TENM1: variants seen among roughly 807,000 people sequenced by gnomAD.
TENM1 encodes the protein teneurin-1.
TENM1 carries 35 observed loss-of-function variants against 174.8 expected under a neutral mutation model. That is an observed-to-expected ratio of 0.20 (90% CI 0.15 to 0.27). The LOEUF (loss-of-function observed/expected upper bound fraction) is 0.27, where lower values mean the gene tolerates loss of function less well. TENM1 is among the 10% of genes least tolerant of loss of function. The probability of loss-of-function intolerance (pLI) is 1.00; values close to 1 mark genes in which losing one functional copy is unlikely to be tolerated. For missense variants in TENM1, 1,633 were observed against 2,130.1 expected, an observed-to-expected ratio of 0.77 and a Z score of 4.59; for synonymous variants, 781 against 798.7, an observed-to-expected ratio of 0.98 and a Z score of 0.37.
chrX:124,715,624 T>TCTTTTCTTTTC (rs1485812932), intron 4 of TENM1, among the ~76,000 whole-genome samples: 1 of 109,895 alleles, frequency 9.1e-6, no homozygotes, highest in Non-Finnish European at 1.9e-5. Flanking sequence ...TTTTTCCTTT[T>TCTTTTCTTTTC]CTTTTCTTTT....
the TENM1 span, among the ~76,000 whole-genome samples, chrX:125,172,559 T>A: frequency 7.6e-3 from 853 of 111,667 alleles, 14 homozygotes; most frequent in African/African-American, 0.027. Context: ...TCTAGACCAA[T>A]TTTTTAAAAA....
chrX:124,471,431 T>A (rs182330973), intron 22 of TENM1, among the ~76,000 whole-genome samples: 7,237 of 55,432 alleles, frequency 0.13, 1,812 homozygotes, highest in Middle Eastern at 0.21. Flanking sequence ...ATATTATATA[T>A]TATATAATAT....
At position 124,806,186 on chromosome X, in the gene TENM1, G is replaced by A. The variant is rs990695874; in HGVS notation, c.536-68989C>T. On this transcript the variant is annotated intron_variant, in intron 3 of 31. Transcript: ENST00000422452. ...GGCTGAAAAATACAATGAAAAAAAC[G>A]CAATAGAGAACATCAACAACAGAAT... 6.3e-5 allele frequency among the ~76,000 whole-genome samples: 7 copies of A among 111,408 alleles called. No homozygotes were observed. The Admixed American group carries it at 6.6e-4, about 11-fold the overall frequency.
exon 10 of TENM1, chrX:124,645,306 T>C (rs2051130245): frequency 8.3e-7 from 1 of 1,209,609 alleles, no homozygotes; most frequent in Non-Finnish European, 1.1e-6. Flanking sequence ...TCTCGTATTC[T>C]CCATTCCCAC....
rs372610895 is a variant in TENM1, at chrX:124,752,969, G to A, written c.536-15772C>T. Among the ~76,000 whole-genome samples the A allele has an allele frequency of 5.0e-3, 553 of 110,852 alleles. 6 individuals carry two copies. Among genetic ancestry groups the A allele is most frequent in the African/African-American group, 0.016 (477 of 30,479 alleles). ...TCTTTTGGCTTAGGATTGACTTGGCGATGCGGGCTCTTTTTTGGTTCCATA... is the reference window on the plus strand; with the variant it reads ...TCTTTTGGCTTAGGATTGACTTGGCAATGCGGGCTCTTTTTTGGTTCCATA... On this transcript the variant is annotated intron_variant, in intron 3 of 31. Coordinates refer to ENST00000422452, the Ensembl canonical transcript of TENM1.
intron 3 of TENM1, among the ~76,000 whole-genome samples, chrX:124,767,058 G>A (rs2054552442): frequency 9.0e-6 from 1 of 110,898 alleles, no homozygotes; most frequent in Non-Finnish European, 1.9e-5. Context: ...TCATTAGTAG[G>A]GCCTATAAAC....
chrX:124,944,382 T>C (rs1160740295), intron 1 of TENM1, among the ~76,000 whole-genome samples: 1 of 111,178 alleles, frequency 9.0e-6, no homozygotes, highest in Non-Finnish European at 1.9e-5. Flanking sequence ...ATAAAAATTA[T>C]TTGGCAGATG....
intron 11 of TENM1, among the ~76,000 whole-genome samples, chrX:124,615,968 C>T (rs1334394342): frequency 8.9e-6 from 1 of 112,582 alleles, no homozygotes; most frequent in Non-Finnish European, 1.9e-5. Flanking sequence ...GGGTCACACA[C>T]ACACACAAAA....
chrX:125,048,302 T>C, the TENM1 span, among the ~76,000 whole-genome samples: 1 of 94,360 alleles, frequency 1.1e-5, no homozygotes, highest in East Asian at 3.3e-4. Context: ...CTGACTGGAG[T>C]GCAGTGGTTA....
intron 22 of TENM1, among the ~76,000 whole-genome samples, chrX:124,467,513 A>C (rs188930894): frequency 1.8e-5 from 2 of 111,885 alleles, no homozygotes; most frequent in African/African-American, 6.5e-5. Context: ...GAAGAGCTTC[A>C]AAACCAATCT....
chrX:125,146,751 G>A, the TENM1 span, among the ~76,000 whole-genome samples: 3 of 110,885 alleles, frequency 2.7e-5, no homozygotes, highest in Admixed American at 1.9e-4. Flanking sequence ...CCTTACTCAC[G>A]GTTTGTTTTT....
At chrX:124,938,863 T>C (rs1329914328) in intron 1 of TENM1, among the ~76,000 whole-genome samples, 1 of 111,615 alleles carries the variant, frequency 9.0e-6, no homozygotes, top group Non-Finnish European at 1.9e-5. Flanking sequence ...GCACAATAAA[T>C]CACCATCTGT....
At chrX:124,811,946 A>G (rs2055787681) in intron 3 of TENM1, among the ~76,000 whole-genome samples, 1 of 111,510 alleles carries the variant, frequency 9.0e-6, no homozygotes, top group South Asian at 3.7e-4. Context: ...AGAGAGTATA[A>G]TAGAATGAAG....
intron 22 of TENM1, among the ~76,000 whole-genome samples, chrX:124,469,029 T>C (rs190015820): frequency 3.2e-4 from 36 of 111,846 alleles, no homozygotes; most frequent in Middle Eastern, 4.7e-3. Flanking sequence ...TGCATGTGTG[T>C]ACTTGTGACT....
chrX:124,998,925 C>A, the TENM1 span, among the ~76,000 whole-genome samples: 1 of 111,375 alleles, frequency 9.0e-6, no homozygotes, highest in African/African-American at 3.2e-5. Flanking sequence ...CACTTTTAGC[C>A]TATTCACTAG....
chrX:124,666,498 G>A (rs1296225205), intron 6 of TENM1, among the ~76,000 whole-genome samples: 2 of 111,321 alleles, frequency 1.8e-5, no homozygotes, highest in Non-Finnish European at 3.8e-5. Context: ...CAAAAAAACC[G>A]TAACAATGAC....
chrX:124,665,353 A>G (rs757595138), intron 6 of TENM1, among the ~76,000 whole-genome samples: 36 of 112,273 alleles, frequency 3.2e-4, no homozygotes, highest in Non-Finnish European at 6.0e-4. Context: ...AAAAAAAAGA[A>G]AAGGTAACGA....
chrX:124,559,048 G>T (rs1221340037), intron 14 of TENM1, among the ~76,000 whole-genome samples: 1 of 111,111 alleles, frequency 9.0e-6, no homozygotes, highest in Non-Finnish European at 1.9e-5. Flanking sequence ...TAAACATTTT[G>T]GCTGCCTTGA....
chrX:124,842,158 C>T (rs1004067801), intron 3 of TENM1, among the ~76,000 whole-genome samples: 6 of 111,508 alleles, frequency 5.4e-5, no homozygotes, highest in African/African-American at 2.0e-4. Flanking sequence ...TTTCTGTGCT[C>T]TCAGTCTACT....
Sources: allele counts gnomAD v4.1 joint callset (sites outside exome capture counted in the v4.1 genomes callset), GRCh38; gene constraint gnomAD v4.1.1; transcripts MANE v1.5; gene names NCBI Gene and HGNC (gene_info 2026-07-23, HGNC 2026-07-21).